The following SAMD4B variants were observed in gnomAD, a reference collection of about 807,000 sequenced individuals.
The protein encoded by SAMD4B is sterile alpha motif domain containing 4B.
In SAMD4B, 5 loss-of-function variants were observed where a neutral mutation model predicts 74.5. The ratio of observed to expected loss-of-function variants is 0.07; its 90% CI spans 0.04 to 0.14. The LOEUF is 0.14. Among genes scored for constraint, SAMD4B ranks in the 10% least tolerant of loss-of-function variants. SAMD4B has a pLI of 1.00. For synonymous variants in SAMD4B, 373 were observed against 374.9 expected (o/e 1.00, Z 0.06); for missense variants, 608 against 921.8 (o/e 0.66, Z 4.41).
At chr19:39,381,802 C>T (rs924341165) in intron 12 of SAMD4B, among the ~76,000 whole-genome samples, 49 of 152,288 alleles carry the variant, frequency 3.2e-4, no homozygotes, top group African/African-American at 1.2e-3. Context: ...CATGGTGGCA[C>T]ACACCCGTAG....
intron 12 of SAMD4B, chr19:39,381,331 T>C: frequency 1.9e-6 from 1 of 529,504 alleles, no homozygotes; most frequent in Non-Finnish European, 3.3e-6. Flanking sequence ...CTCTGAGTCA[T>C]CATCTCTCAC....
At chr19:39,387,895 T>C (rs1184153827), downstream of SAMD4B, among the ~76,000 whole-genome samples, 1 of 152,162 alleles carries the variant, frequency 6.6e-6, no homozygotes, top group Non-Finnish European at 1.5e-5. Flanking sequence ...CCCAGCACTT[T>C]GGGAGGCCGA....
At chr19:39,382,558 A>C (rs1431052051) in intron 12 of SAMD4B, among the ~76,000 whole-genome samples, 1 of 152,108 alleles carries the variant, frequency 6.6e-6, no homozygotes, top group Admixed American at 6.5e-5. Flanking sequence ...AATCCAGGTA[A>C]ACAGCTCGGA....
rs1241434898 is a variant in SAMD4B, at chr19:39,342,485, G to C, written c.-358G>C. On this transcript the variant is annotated 5_prime_UTR_variant, in exon 1 of 14. Coordinates refer to ENST00000610417, the MANE Select transcript of SAMD4B (RefSeq NM_001384574.2). The stretch of plus-strand genomic sequence containing the variant: ...GCGGCGGTGGTCGGTGCGGGAGGAG[G>C]GAGGGGAGCTTGCGGGCCCGAGAGG... The C allele has an allele frequency of 5.6e-6, 1 of 179,708 alleles. No homozygotes were observed. The highest frequency in any genetic ancestry group is 1.7e-4 in the South Asian group (1 of 6,018). The allele number at this position is 179,708 out of a possible 1,614,324, so 11.1% of individuals were successfully genotyped here.
In SAMD4B at chr19:39,384,139, T is replaced by C. The variant is rs1002769535; in HGVS notation, c.*612T>C. ...CTGTTCACCAGAGGTTCTCTATGATTAATTTCTTAGGCCTATTTAAGATAC... is the reference window on the plus strand; with the variant it reads ...CTGTTCACCAGAGGTTCTCTATGATCAATTTCTTAGGCCTATTTAAGATAC... On this transcript the variant is annotated 3_prime_UTR_variant, in exon 14 of 14. Coordinates refer to ENST00000610417, the MANE Select transcript of SAMD4B (RefSeq NM_001384574.2). The C allele has an allele frequency of 4.7e-6, 1 of 211,482 alleles. No homozygotes were observed. Among genetic ancestry groups the C allele is most frequent in the African/African-American group, 2.3e-5 (1 of 43,556 alleles). 13.1% of individuals were successfully genotyped at this position (211,482 alleles called of 1,614,324 possible).
At chr19:39,389,773 A>C (rs1343022130), downstream of SAMD4B, 13 of 1,613,860 alleles carry the variant, frequency 8.1e-6, no homozygotes, top group Non-Finnish European at 1.1e-5. This position sits in a 1 kb window ranked among gnomAD's most constrained non-coding sequence, Gnocchi z 5.3. Flanking sequence ...TGGGTGGGGA[A>C]ACACCTATTG....
Position 39,377,682 on chromosome 19 carries a change from A to G in SAMD4B, c.1302A>G (p.Lys434=), listed in dbSNP as rs778050647. 6.8e-6 allele frequency: 11 copies of G among 1,614,168 alleles called. No individual in the cohort carries two copies. The highest frequency in any genetic ancestry group is 9.3e-6 in the Non-Finnish European group (11 of 1,180,006). ...EPPLAHPGTD[K]GTEAKDPPAV... Reference sequence around the variant, plus strand: ...CCCTAGCCCACCCCGGCACAGACAAAGGCACCGAGGCCAAGGACCCTCCAG... The same window carrying G: ...CCCTAGCCCACCCCGGCACAGACAAGGGCACCGAGGCCAAGGACCCTCCAG... Residue 434 remains lysine (K), a synonymous_variant, in exon 8 of 14, where the codon AAA becomes AAG. Coordinates refer to ENST00000610417, the MANE Select transcript of SAMD4B (RefSeq NM_001384574.2).
At chr19:39,367,953 G>A (rs1049910608) in intron 3 of SAMD4B, among the ~76,000 whole-genome samples, 28 of 150,678 alleles carry the variant, frequency 1.9e-4, no homozygotes, top group African/African-American at 6.3e-4. Flanking sequence ...AGTGGCTCAC[G>A]CCTGTAATCC....
At chr19:39,343,991 C>A (rs61255492) in intron 1 of SAMD4B, among the ~76,000 whole-genome samples, 4,085 of 95,920 alleles carry the variant, frequency 0.043, 197 homozygotes, top group African/African-American at 0.069. Flanking sequence ...GACCCCCCCC[C>A]CCCACACACA....
At position 39,383,231 on chromosome 19, in the gene SAMD4B, C is replaced by T. The variant is rs1256764401; in HGVS notation, c.1996C>T (p.Leu666=). 2.5e-6 allele frequency: 4 copies of T among 1,614,042 alleles called. No individual in the cohort carries two copies. The African/African-American group carries it at 5.3e-5, about 22-fold the overall frequency. The change falls in exon 13 of 14, where the codon CTG becomes TTG. Residue 666 remains leucine, a synonymous_variant. Coordinates refer to ENST00000610417, the MANE Select transcript of SAMD4B (RefSeq NM_001384574.2). This position sits in a 1 kb window ranked among gnomAD's most constrained non-coding sequence, Gnocchi z 4.1. ...AGACTGCCCGGTTCCTGGGCCTGAC[C>T]TGGAGATCAATCCCACTCTGGAGTC... is the stretch of plus-strand genomic sequence containing the variant. ...PPDCPVPGPD[L]EINPTLESLC...
At chr19:39,359,496 C>T (rs552425331) in intron 3 of SAMD4B, among the ~76,000 whole-genome samples, 131 of 152,290 alleles carry the variant, frequency 8.6e-4, no homozygotes, top group African/African-American at 3.0e-3. Flanking sequence ...TGTCTTAATA[C>T]ATATGGCCAA....
In SAMD4B at chr19:39,376,565, T is replaced by C. The variant is rs1023267375; in HGVS notation, c.1017+19T>C. The C allele has an allele frequency of 6.2e-7, 1 of 1,605,130 alleles. No individual in the cohort carries two copies. The highest frequency in any genetic ancestry group is 1.7e-4 in the Middle Eastern group (1 of 6,036). On this transcript the variant is annotated intron_variant, in intron 6 of 13. Coordinates refer to ENST00000610417, the MANE Select transcript of SAMD4B (RefSeq NM_001384574.2). The stretch of plus-strand genomic sequence containing the variant: ...GTCTCAGGTGAAGCCAAGGGGACCA[T>C]CAGGGAGGTGCTGGGGGCAGCGCTA...
chr19:39,366,019 A>G (rs1355532639), intron 3 of SAMD4B, among the ~76,000 whole-genome samples: 1 of 152,080 alleles, frequency 6.6e-6, no homozygotes, highest in East Asian at 1.9e-4. Context: ...TGGCCAACAT[A>G]GTGAAAAAAG....
At chr19:39,347,551 C>T (rs2145207461) in intron 1 of SAMD4B, among the ~76,000 whole-genome samples, 1 of 152,256 alleles carries the variant, frequency 6.6e-6, no homozygotes, top group South Asian at 2.1e-4. Flanking sequence ...TCTGACTCAA[C>T]CACACTTTGC....
At chr19:39,373,240 C>T (rs552247070) in intron 4 of SAMD4B, among the ~76,000 whole-genome samples, 2 of 152,260 alleles carry the variant, frequency 1.3e-5, no homozygotes, top group African/African-American at 4.8e-5. Flanking sequence ...GGGTGAGGCT[C>T]GTTGGCTTTG....
chr19:39,360,102 T>C (rs2076561076), intron 3 of SAMD4B: 1 of 151,172 alleles, frequency 6.6e-6, no homozygotes, highest in Admixed American at 6.6e-5. Context: ...AGGAGAATGG[T>C]GTCAACCCGG....
intron 3 of SAMD4B, among the ~76,000 whole-genome samples, chr19:39,362,796 TTC>T (rs985858101): frequency 3.9e-5 from 6 of 152,042 alleles, no homozygotes; most frequent in African/African-American, 1.2e-4. Flanking sequence ...CCACCTCCTA[TTC>T]TGAGTCAGTC....
At chr19:39,347,676 C>A (rs1283266036) in intron 1 of SAMD4B, among the ~76,000 whole-genome samples, 1 of 152,166 alleles carries the variant, frequency 6.6e-6, no homozygotes, top group Non-Finnish European at 1.5e-5. Context: ...TTCCAAGACA[C>A]AGAACTTTGG....
At chr19:39,380,443 A>C in intron 10 of SAMD4B, 144 bp from the exon 11 acceptor site, 1 of 828,060 alleles carries the variant, frequency 1.2e-6, no homozygotes, top group Non-Finnish European at 2.0e-6. Flanking sequence ...TCCAGGGGGT[A>C]CCCTTGGGGC....
Sources: gnomAD v4.1 joint callset for allele counts (sites outside exome capture counted in the v4.1 genomes callset) on GRCh38, gnomAD v4.1.1 for gene constraint, Gnocchi (gnomAD v3.1) non-coding constraint, MANE v1.5 for transcripts, NCBI Gene and HGNC (gene_info 2026-07-23, HGNC 2026-07-21) for gene names.